Variants in PDZRN3 observed in about 807,000 individuals in gnomAD.
The protein encoded by PDZRN3 is PDZ domain containing ring finger 3.
In PDZRN3, 38 loss-of-function variants were observed where a neutral mutation model predicts 85.7. The ratio of observed to expected loss-of-function variants is 0.44; its 90% CI spans 0.34 to 0.58. The LOEUF is 0.58. PDZRN3 is among the 20% of genes least tolerant of loss of function. The probability of loss-of-function intolerance (pLI) is 0.01; values close to 1 mark genes in which losing one functional copy is unlikely to be tolerated. For synonymous variants in PDZRN3, 759 were observed against 638.0 expected, an observed-to-expected ratio of 1.19 and a Z score of -2.86; for missense variants, 1,629 against 1,506.4, an observed-to-expected ratio of 1.08 and a Z score of -1.35.
chr3:73,544,546 G>A (rs4393846), intron 3 of PDZRN3, among the ~76,000 whole-genome samples: 110,916 of 152,078 alleles, frequency 0.73, 41,153 homozygotes, highest in African/African-American at 0.87. Flanking sequence ...TAACATATCC[G>A]TCACTTCATA....
intron 3 of PDZRN3, among the ~76,000 whole-genome samples, chr3:73,460,801 AT>A (rs542900954): frequency 6.6e-6 from 1 of 150,872 alleles, no homozygotes; most frequent in African/African-American, 2.4e-5. Context: ...TTTATTTTTT[AT>A]TTTTTTTTGA....
At position 73,608,686 on chromosome 3, in the gene PDZRN3, T is replaced by G. The variant is rs770408046; in HGVS notation, c.724-2A>C. ...AGTCAGACTTTTGGTTTCTTCGCCC[T>G]GCAGGTAACAAATGAGATCAAACTT... On this transcript the variant is annotated splice_acceptor_variant, in intron 1 of 9. Transcript: ENST00000263666. LOFTEE classifies it high-confidence loss of function. 1.3e-6 allele frequency: 2 copies of G among 1,596,832 alleles called. No individual in the cohort carries two copies. Among genetic ancestry groups the G allele is most frequent in the African/African-American group, 1.3e-5 (1 of 74,554 alleles).
chr3:73,571,417 T>G (rs1447410776), intron 3 of PDZRN3, among the ~76,000 whole-genome samples: 1 of 152,214 alleles, frequency 6.6e-6, no homozygotes, highest in African/African-American at 2.4e-5. Context: ...TCCTTTTATT[T>G]CAGAATGACT....
chr3:73,407,721 G>C (rs1422838972), intron 3 of PDZRN3, among the ~76,000 whole-genome samples: 1 of 152,156 alleles, frequency 6.6e-6, no homozygotes, highest in Non-Finnish European at 1.5e-5. Flanking sequence ...CCATTGAGTG[G>C]ATGTTTAAAT....
chr3:73,542,523 C>T (rs898534888), intron 3 of PDZRN3, among the ~76,000 whole-genome samples: 1 of 151,998 alleles, frequency 6.6e-6, no homozygotes, highest in African/African-American at 2.4e-5. Context: ...TCTATAATAC[C>T]AGCACTTTGG....
chr3:73,606,355 G>C (rs1575761118), intron 2 of PDZRN3, among the ~76,000 whole-genome samples: 1 of 152,120 alleles, frequency 6.6e-6, no homozygotes, highest in Non-Finnish European at 1.5e-5. Flanking sequence ...GTAGAACATG[G>C]GCTCATGTTC....
At chr3:73,532,922 C>A (rs1704692136) in intron 3 of PDZRN3, among the ~76,000 whole-genome samples, 1 of 152,136 alleles carries the variant, frequency 6.6e-6, no homozygotes, top group African/African-American at 2.4e-5. Flanking sequence ...CTAGAGTGTT[C>A]CTGACCAGAA....
chr3:73,603,870 A>ACACAC (rs1702553542), intron 2 of PDZRN3, among the ~76,000 whole-genome samples: 2 of 110,306 alleles, frequency 1.8e-5, no homozygotes, highest in African/African-American at 6.1e-5. Flanking sequence ...CACTTCCCCA[A>ACACAC]ACACACACAC....
In PDZRN3 at chr3:73,416,599, G is replaced by A. The variant is rs376806632; in HGVS notation, c.919-12204C>T. 5.3e-5 allele frequency among the ~76,000 whole-genome samples: 8 copies of A among 152,132 alleles called. 1 individual carries two copies. In the South Asian group the frequency reaches 1.5e-3, roughly 28 times the overall value. ...AGAAACTTTGCTTCCTAAGACTCTGGAATCATTTATCTCCCCCCACAGGAA... is the reference window on the plus strand; with the variant it reads ...AGAAACTTTGCTTCCTAAGACTCTGAAATCATTTATCTCCCCCCACAGGAA... On this transcript the variant is annotated intron_variant, in intron 3 of 9. Transcript: ENST00000263666.
intron 1 of PDZRN3, among the ~76,000 whole-genome samples, chr3:73,622,276 G>T (rs1702877719): frequency 1.3e-5 from 2 of 152,204 alleles, no homozygotes; most frequent in Non-Finnish European, 2.9e-5. Context: ...CAGGCCAGGG[G>T]CCAGGAAGGG....
intron 5 of PDZRN3, among the ~76,000 whole-genome samples, chr3:73,396,585 T>C (rs1228922564): frequency 1.3e-5 from 2 of 152,208 alleles, no homozygotes; most frequent in East Asian, 3.9e-4. Flanking sequence ...ATACTTAGCT[T>C]CCTCTATGAA....
rs149340706 is a variant in PDZRN3 at position 73,490,216 on chromosome 3, T to C, written c.919-85821A>G. On this transcript the variant is annotated intron_variant, in intron 3 of 9. Coordinates refer to ENST00000263666, the MANE Select transcript of PDZRN3 (RefSeq NM_015009.3). Reference sequence around the variant, plus strand: ...GGTGGCAAAAGCAGCAGAGCCTGCTTTCCCTTGGGCTTAAAGGGAGCACCC... The same window carrying C: ...GGTGGCAAAAGCAGCAGAGCCTGCTCTCCCTTGGGCTTAAAGGGAGCACCC... Among the ~76,000 whole-genome samples, 576 of 152,298 alleles carry C rather than the reference T, an allele frequency of 3.8e-3. 7 individuals carry two copies. Among genetic ancestry groups the C allele is most frequent in the African/African-American group, 0.013 (546 of 41,570 alleles).
rs138588232 is a variant in PDZRN3, at chr3:73,619,044, G to A, written c.723+5059C>T. Reference sequence around the variant, plus strand: ...ATTTACTTATTTCCAGTTCTGAAAAGGACAAAATAGTTTCTAGGATTTGGG... The same window carrying A: ...ATTTACTTATTTCCAGTTCTGAAAAAGACAAAATAGTTTCTAGGATTTGGG... On this transcript the variant is annotated intron_variant, in intron 1 of 9. Transcript: ENST00000263666. Among the ~76,000 whole-genome samples, 790 of 152,182 alleles carry A rather than the reference G, an allele frequency of 5.2e-3. 3 individuals carry two copies. Among genetic ancestry groups the A allele is most frequent in the Middle Eastern group, 0.031 (9 of 294 alleles).
chr3:73,423,757 T>C (rs1306052185), intron 3 of PDZRN3, among the ~76,000 whole-genome samples: 1 of 152,252 alleles, frequency 6.6e-6, no homozygotes, highest in Non-Finnish European at 1.5e-5. Context: ...CTTCCCCTTA[T>C]TAGTATTTCT....
chr3:73,577,661 G>A (rs1440468186), intron 3 of PDZRN3, among the ~76,000 whole-genome samples: 2 of 152,120 alleles, frequency 1.3e-5, no homozygotes, highest in African/African-American at 4.8e-5. Flanking sequence ...GATGTCTCTT[G>A]ATAGCACTCT....
intron 1 of PDZRN3, among the ~76,000 whole-genome samples, chr3:73,615,367 G>A (rs1197765430): frequency 3.3e-5 from 5 of 152,162 alleles, no homozygotes; most frequent in Admixed American, 2.6e-4. Flanking sequence ...CACCAAAAAT[G>A]ACACCAACAA....
At chr3:73,522,244 A>C (rs1246987904) in intron 3 of PDZRN3, among the ~76,000 whole-genome samples, 1 of 152,234 alleles carries the variant, frequency 6.6e-6, no homozygotes, top group Non-Finnish European at 1.5e-5. Context: ...CCTGATCGAC[A>C]GTAACACTAA....
At chr3:73,497,433 AT>A (rs1703886834) in intron 3 of PDZRN3, among the ~76,000 whole-genome samples, 1 of 152,202 alleles carries the variant, frequency 6.6e-6, no homozygotes, top group Admixed American at 6.5e-5. Context: ...TTTTTTACTA[AT>A]CAAAAGAGCT....
At chr3:73,531,878 A>G (rs866311945) in intron 3 of PDZRN3, among the ~76,000 whole-genome samples, 10 of 152,358 alleles carry the variant, frequency 6.6e-5, no homozygotes, top group Middle Eastern at 3.4e-3. Context: ...GGAAGCAGCC[A>G]CTTTCAGCCC....
Sources: gnomAD v4.1 joint callset for allele counts (sites outside exome capture counted in the v4.1 genomes callset) on GRCh38, gnomAD v4.1.1 for gene constraint, MANE v1.5 for transcripts, NCBI Gene and HGNC (gene_info 2026-07-23, HGNC 2026-07-21) for gene names.